Variants in PELI2 observed in about 807,000 individuals in gnomAD.
PELI2 encodes the protein E3 ubiquitin-protein ligase pellino homolog 2.
Under a neutral mutation model 42.3 loss-of-function variants are expected in PELI2, and 23 were observed. That is an observed-to-expected ratio of 0.54 (90% CI 0.39 to 0.77). The LOEUF (loss-of-function observed/expected upper bound fraction) is 0.77, where lower values mean the gene tolerates loss of function less well. PELI2 is among the 30% of genes least tolerant of loss of function. PELI2 has a pLI of 0.00. For missense variants in PELI2, 463 were observed against 553.2 expected (o/e 0.84, Z 1.64); for synonymous variants, 245 against 212.2 (o/e 1.15, Z -1.34).
rs77333018 is a variant in PELI2, at chr14:56,277,121, C to T, written c.208-2555C>T. On this transcript the variant is annotated intron_variant, in intron 2 of 5. Transcript: ENST00000267460. ...CTGTTTCTGGTGTTTTCTAAAGTGG[C>T]GAGGAAGTGTCTCTAGGACAGAAAT... 3.5e-3 allele frequency among the ~76,000 whole-genome samples: 539 copies of T among 152,172 alleles called. 7 individuals are homozygous for T. The highest frequency in any genetic ancestry group is 0.012 in the African/African-American group (502 of 41,520).
intron 1 of PELI2, among the ~76,000 whole-genome samples, chr14:56,141,250 A>G (rs1039164776): frequency 3.9e-5 from 6 of 152,192 alleles, no homozygotes; most frequent in African/African-American, 1.4e-4. Flanking sequence ...TATTCTGTTT[A>G]CTGTGTGTAT....
chr14:56,134,808 A>ATC (rs1883628557), intron 1 of PELI2, among the ~76,000 whole-genome samples: 1 of 151,348 alleles, frequency 6.6e-6, no homozygotes, highest in African/African-American at 2.4e-5. Flanking sequence ...AGAGAGTTGA[A>ATC]TATAGCAGGA....
intron 2 of PELI2, among the ~76,000 whole-genome samples, chr14:56,195,274 CCT>C (rs1261676323): frequency 6.6e-6 from 1 of 152,160 alleles, no homozygotes; most frequent in Admixed American, 6.5e-5. Flanking sequence ...CAGTCTCTAC[CCT>C]GTTTACTTGT....
chr14:56,171,902 G>A (rs1250470411), intron 1 of PELI2, among the ~76,000 whole-genome samples: 1 of 152,122 alleles, frequency 6.6e-6, no homozygotes, highest in African/African-American at 2.4e-5. Flanking sequence ...TGTCGTCCCT[G>A]TTACTCGGGA....
intron 2 of PELI2, among the ~76,000 whole-genome samples, chr14:56,279,075 G>A (rs1889391063): frequency 6.6e-6 from 1 of 152,020 alleles, no homozygotes; most frequent in South Asian, 2.1e-4. Context: ...AAATAAAATT[G>A]CTAGTTACCT....
At position 56,297,086 on chromosome 14, in the gene PELI2, G is replaced by T; in HGVS notation, c.1183G>T (p.Ala395Ser). 1 of 1,610,712 alleles carries T rather than the reference G, an allele frequency of 6.2e-7. No homozygotes were observed. Residue 395 changes from alanine to serine, a missense_variant, in exon 6 of 6, where the codon GCT becomes TCT. Ala to Ser is a moderately conservative substitution (Grantham distance 99). Around this residue, in one of 3 missense-constraint regions of PELI2, gnomAD observed 103 missense variants for 129.6 expected, o/e 0.80. Coordinates refer to ENST00000267460, the MANE Select transcript of PELI2 (RefSeq NM_021255.3). The part of the protein sequence containing the change: ...PLPHGTHAFH[A>S]ACPFCATQLV... ...GCCTCATGGAACTCATGCATTTCAC[G>T]CTGCTTGCCCTTTCTGTGCTACACA...
chr14:56,230,048 G>GA (rs1397938080), intron 2 of PELI2, among the ~76,000 whole-genome samples: 4 of 152,190 alleles, frequency 2.6e-5, no homozygotes, highest in Non-Finnish European at 5.9e-5. Context: ...AAAGTTTAGA[G>GA]AAAAAAGAGT....
chr14:56,236,281 C>G lies in PELI2; in HGVS notation c.208-43395C>G, dbSNP rs115474586. Among the ~76,000 whole-genome samples the G allele has an allele frequency of 6.1e-3, 927 of 152,262 alleles. 10 individuals are homozygous for G. Among genetic ancestry groups the G allele is most frequent in the African/African-American group, 0.021 (870 of 41,544 alleles). ...ACATAGCGTTATTCTAGCTACGGCT[C>G]TTTGTGCAGAGATAAGCTGTCATGT... is the stretch of plus-strand genomic sequence containing the variant. On this transcript the variant is annotated intron_variant, in intron 2 of 5. Coordinates refer to ENST00000267460, the MANE Select transcript of PELI2 (RefSeq NM_021255.3).
intron 2 of PELI2, among the ~76,000 whole-genome samples, chr14:56,236,738 C>T (rs924534076): frequency 6.6e-6 from 1 of 152,290 alleles, no homozygotes; most frequent in South Asian, 2.1e-4. Flanking sequence ...CTCCCCTTCC[C>T]TGGGGAGCAC....
chr14:56,229,787 A>G (rs2139767351), intron 2 of PELI2, among the ~76,000 whole-genome samples: 1 of 152,294 alleles, frequency 6.6e-6, no homozygotes, highest in Admixed American at 6.5e-5. Flanking sequence ...ACGATCGGTA[A>G]TAATAAACTT....
At chr14:56,242,138 G>T (rs562636417) in intron 2 of PELI2, among the ~76,000 whole-genome samples, 1 of 152,220 alleles carries the variant, frequency 6.6e-6, no homozygotes, top group South Asian at 2.1e-4. Flanking sequence ...CACCTCATGG[G>T]TTCTGTACAG....
chr14:56,236,741 G>A (rs1887809625), intron 2 of PELI2, among the ~76,000 whole-genome samples: 2 of 152,044 alleles, frequency 1.3e-5, no homozygotes, highest in South Asian at 4.1e-4. Context: ...CCCTTCCCTG[G>A]GGAGCACTGG....
intron 2 of PELI2, among the ~76,000 whole-genome samples, chr14:56,210,576 C>T (rs1886678833): frequency 6.6e-6 from 1 of 152,056 alleles, no homozygotes; most frequent in African/African-American, 2.4e-5. Context: ...TTTGTGATCC[C>T]ATTAGTTCAT....
chr14:56,140,099 A>G (rs1416433951), intron 1 of PELI2, among the ~76,000 whole-genome samples: 2 of 151,922 alleles, frequency 1.3e-5, no homozygotes. Context: ...TCTGTTGATT[A>G]TAGCTAAATC....
intron 1 of PELI2, among the ~76,000 whole-genome samples, chr14:56,133,104 G>A (rs983758274): frequency 2.6e-5 from 4 of 151,276 alleles, no homozygotes; most frequent in African/African-American, 7.3e-5. Flanking sequence ...TATTATTTTC[G>A]TTTTTTTCAC....
chr14:56,133,498 A>G (rs1883570485), intron 1 of PELI2, among the ~76,000 whole-genome samples: 2 of 152,234 alleles, frequency 1.3e-5, no homozygotes, highest in African/African-American at 4.8e-5. Context: ...TAAGTCTATT[A>G]GGTACTTAGA....
At chr14:56,289,360 T>C (rs12886598) in intron 4 of PELI2, among the ~76,000 whole-genome samples, 16,933 of 152,158 alleles carry the variant, frequency 0.11, 1,175 homozygotes, top group Non-Finnish European at 0.15. Context: ...GGTCTTCTTG[T>C]GGGTGAGAGC....
chr14:56,294,746 G>A (rs1367562468), intron 5 of PELI2, among the ~76,000 whole-genome samples: 1 of 152,072 alleles, frequency 6.6e-6, no homozygotes, highest in Non-Finnish European at 1.5e-5. Flanking sequence ...TGCATCACAC[G>A]TGCCTTGTAT....
intron 2 of PELI2, among the ~76,000 whole-genome samples, chr14:56,222,707 A>G (rs893224285): frequency 6.6e-6 from 1 of 152,230 alleles, no homozygotes; most frequent in Non-Finnish European, 1.5e-5. Flanking sequence ...CTCTCTGGGC[A>G]GACACTGCAC....
Sources: allele counts gnomAD v4.1 joint callset (sites outside exome capture counted in the v4.1 genomes callset), GRCh38; gene constraint gnomAD v4.1.1; regional missense constraint gnomAD v4.1.1; transcripts MANE v1.5; gene names NCBI Gene and HGNC (gene_info 2026-07-23, HGNC 2026-07-21).